The following MADCAM1 variants were observed in gnomAD, a reference collection of about 807,000 sequenced individuals.
The protein encoded by MADCAM1 is mucosal vascular addressin cell adhesion molecule 1.
In MADCAM1, 19 loss-of-function variants were observed where a neutral mutation model predicts 26.1. The ratio of observed to expected loss-of-function variants is 0.73; its 90% CI spans 0.51 to 1.07. The LOEUF is 1.07. Ranked by LOEUF, MADCAM1 falls within the 50% of genes least tolerant of loss-of-function variation. MADCAM1 has a pLI of 0.00. For missense variants in MADCAM1, 514 were observed against 542.1 expected (o/e 0.95, Z 0.51); for synonymous variants, 268 against 260.9 (o/e 1.03, Z -0.26).
intron 4 of MADCAM1, among the ~76,000 whole-genome samples, chr19:503,384 A>G (rs1009647779): frequency 4.0e-5 from 6 of 151,008 alleles, no homozygotes; most frequent in South Asian, 4.2e-4. Context: ...GATCGAGACC[A>G]TCCTGGCTAA....
chr19:503,569 A>C (rs1306924069), intron 4 of MADCAM1, among the ~76,000 whole-genome samples: 3 of 111,410 alleles, frequency 2.7e-5, no homozygotes, highest in East Asian at 5.8e-4. Flanking sequence ...AGACAGCAAG[A>C]CTCCGTCTCA....
chr19:500,595 G>A (rs1978316644), intron 3 of MADCAM1, among the ~76,000 whole-genome samples: 1 of 152,042 alleles, frequency 6.6e-6, no homozygotes, highest in African/African-American at 2.4e-5. Context: ...ATGTGGCCAG[G>A]TGCGGTGGCT....
At chr19:500,264 C>G (rs1978314383) in intron 3 of MADCAM1, 1 of 441,324 alleles carries the variant, frequency 2.3e-6, no homozygotes, top group African/African-American at 2.0e-5. Context: ...GAAACTGAGG[C>G]ACGTGGAGAT....
At position 500,248 on chromosome 19, in the gene MADCAM1, G is replaced by C. The variant is rs1600387424; in HGVS notation, c.668-1421G>C. On this transcript the variant is annotated intron_variant, in intron 3 of 4. Coordinates refer to ENST00000215637, the MANE Select transcript of MADCAM1 (RefSeq NM_130760.3). ...AGAGGTGACTCTCACCCCTTTGACA[G>C]TTGAGGAAACTGAGGCACGTGGAGA... 6 of 449,884 alleles carry C rather than the reference G, an allele frequency of 1.3e-5. No individual in the cohort carries two copies. The East Asian group carries it at 4.2e-4, about 31-fold the overall frequency. The allele number at this position is 449,884 out of a possible 1,614,324, so 27.9% of individuals were successfully genotyped here.
rs117953941 is a variant in MADCAM1 at position 499,702 on chromosome 19, C to T, written c.667+877C>T. The T allele has an allele frequency of 1.2e-3, 477 of 412,588 alleles. 1 individual carries two copies. The highest frequency in any genetic ancestry group is 2.0e-3 in the Non-Finnish European group (414 of 206,326). 25.6% of individuals were successfully genotyped at this position (412,588 alleles called of 1,614,324 possible). A position where few individuals can be genotyped will look rare whatever the true frequency, so the allele number is the denominator to read the frequency against. On this transcript the variant is annotated intron_variant, in intron 3 of 4. Coordinates refer to ENST00000215637, the MANE Select transcript of MADCAM1 (RefSeq NM_130760.3). The stretch of plus-strand genomic sequence containing the variant: ...CCAGGTGGGAATCTTGTGTCGCGCA[C>T]GGCTGTGTCCACAGAAGCTAGAACA...
At chr19:503,952 G>T (rs1485146944) in intron 4 of MADCAM1, among the ~76,000 whole-genome samples, 1 of 151,906 alleles carries the variant, frequency 6.6e-6, no homozygotes, top group African/African-American at 2.4e-5. Flanking sequence ...TTACTCGGGA[G>T]GCTGAAGCAG....
In MADCAM1 at chr19:504,977, T is replaced by C; in HGVS notation, c.*12T>C. ...TCAGCCCCTCCTGAGTGGCCAGCCT[T>C]TCCCCCTGTGAAAGCAAAATAGCTT... On this transcript the variant is annotated 3_prime_UTR_variant, in exon 5 of 5. Coordinates refer to ENST00000215637, the MANE Select transcript of MADCAM1 (RefSeq NM_130760.3). 6.4e-7 allele frequency: 1 copy of C among 1,571,760 alleles called. No homozygotes were observed.
Position 497,985 on chromosome 19 carries a change from G to T in MADCAM1, c.205G>T (p.Ala69Ser), listed in dbSNP as rs920314016. ...QWRGLDTSLGAVQSDTGRSVL... is the reference protein window; with the variant it reads ...QWRGLDTSLGSVQSDTGRSVL... ...GCGGGGCCTGGACACCAGCCTGGGC[G>T]CGGTGCAGTCGGACACGGGCCGCAG... The change falls in exon 2 of 5, where the codon GCG (alanine) becomes TCG (serine). Residue 69 changes from alanine (A) to serine (S), a missense_variant. Ala to Ser is a moderately conservative substitution (Grantham distance 99). Coordinates refer to ENST00000215637, the MANE Select transcript of MADCAM1 (RefSeq NM_130760.3). The T allele has an allele frequency of 1.3e-6, 2 of 1,498,422 alleles. No homozygotes were observed. Among genetic ancestry groups the T allele is most frequent in the Admixed American group, 4.2e-5 (2 of 47,210 alleles). The allele number at this position is 1,498,422 out of a possible 1,614,324, so 92.8% of individuals were successfully genotyped here. A position where few individuals can be genotyped will look rare whatever the true frequency, so the allele number is the denominator to read the frequency against.
At chr19:499,532 G>A (rs908595888) in intron 3 of MADCAM1, among the ~76,000 whole-genome samples, 2 of 152,044 alleles carry the variant, frequency 1.3e-5, no homozygotes, top group African/African-American at 4.8e-5. Context: ...ACAAACACAG[G>A]CACACAGGCA....
chr19:497,423 G>T (rs1370105358), intron 1 of MADCAM1, among the ~76,000 whole-genome samples: 25 of 129,080 alleles, frequency 1.9e-4, no homozygotes, highest in African/African-American at 6.5e-4. Flanking sequence ...AAGAGGGGGC[G>T]CAGGAGAGAG....
intron 4 of MADCAM1, among the ~76,000 whole-genome samples, chr19:503,395 C>A (rs1039115044): frequency 2.0e-5 from 3 of 150,770 alleles, no homozygotes; most frequent in South Asian, 2.1e-4. Flanking sequence ...TCCTGGCTAA[C>A]ACGGTGAAAC....
intron 1 of MADCAM1, 160 bp from the exon 2 acceptor site, chr19:497,670 TGGG>T: frequency 2.1e-6 from 1 of 471,676 alleles, no homozygotes; most frequent in Non-Finnish European, 3.1e-6. Flanking sequence ...GGACCGAGCC[TGGG>T]AGTCCGGGTA....
At chr19:501,961 G>A in intron 4 of MADCAM1, 32 bp downstream of exon 4, 2 of 1,442,932 alleles carry the variant, frequency 1.4e-6, no homozygotes, top group Non-Finnish European at 1.8e-6. Flanking sequence ...CAGGGAGGGT[G>A]GGAAGGGCTG....
At chr19:503,495 G>A (rs903487874) in intron 4 of MADCAM1, among the ~76,000 whole-genome samples, 1 of 150,330 alleles carries the variant, frequency 6.7e-6, no homozygotes, top group Non-Finnish European at 1.5e-5. Flanking sequence ...GCAGGAGAAT[G>A]GCGTGAACCT....
intron 4 of MADCAM1, 123 bp from the exon 5 acceptor site, chr19:504,622 T>G (rs984637217): frequency 5.8e-6 from 4 of 691,094 alleles, no homozygotes; most frequent in African/African-American, 1.8e-5. Context: ...GTAAAGTCCT[T>G]TGTGAAATTT....
intron 1 of MADCAM1, 48 bp downstream of exon 1, chr19:496,599 C>G: frequency 9.2e-7 from 1 of 1,084,752 alleles, no homozygotes; most frequent in Non-Finnish European, 1.1e-6. Context: ...TAGGAGGGGG[C>G]TCAGGAGAGA....
chr19:500,373 C>T (rs1978315310), intron 3 of MADCAM1, among the ~76,000 whole-genome samples: 1 of 152,216 alleles, frequency 6.6e-6, no homozygotes, highest in Non-Finnish European at 1.5e-5. Flanking sequence ...CTCATCTGTC[C>T]AGTGGACTTC....
chr19:498,048 G>A lies in MADCAM1; in HGVS notation c.268G>A (p.Gly90Arg), dbSNP rs933691651. 4 of 1,481,976 alleles carry A rather than the reference G, an allele frequency of 2.7e-6. No individual in the cohort carries two copies. The highest frequency in any genetic ancestry group is 1.4e-5 in the African/African-American group (1 of 69,260). The allele number at this position is 1,481,976 out of a possible 1,614,324, so 91.8% of individuals were successfully genotyped here. ...GCGCAACGCCTCGCTGTCGGCGGCC[G>A]GGACCCGCGTGTGCGTGGGCTCCTG... ...TVRNASLSAA[G>R]TRVCVGSCGG... The change falls in exon 2 of 5, where the codon GGG (glycine) becomes AGG (arginine). Residue 90 changes from glycine (G) to arginine (R), a missense_variant. Gly to Arg is a moderately radical substitution (Grantham distance 125). Around this residue, in one of 3 missense-constraint regions of MADCAM1, gnomAD observed 317 missense variants for 313.6 expected, o/e 1.01. Transcript: ENST00000215637.
At chr19:497,064 AGAGAGGAGGGGCGCAGGG>A (rs1600382676) in intron 1 of MADCAM1, among the ~76,000 whole-genome samples, 2 of 6,056 alleles carry the variant, frequency 3.3e-4, no homozygotes, top group South Asian at 0.01. Flanking sequence ...GGGACGCAGG[AGAGAGGAGGGGCGCAGGG>A]GAGAGGAGGG....
Sources: gnomAD v4.1 joint callset for allele counts (sites outside exome capture counted in the v4.1 genomes callset) on GRCh38, gnomAD v4.1.1 for gene constraint, gnomAD v4.1.1 regional missense constraint, MANE v1.5 for transcripts, NCBI Gene and HGNC (gene_info 2026-07-23, HGNC 2026-07-21) for gene names.